RAD54B: variants seen among roughly 807,000 people sequenced by gnomAD.
The protein encoded by RAD54B is RAD54 homolog B.
RAD54B carries 78 observed loss-of-function variants against 95.8 expected under a neutral mutation model. The observed-to-expected ratio is 0.81, with a 90% CI of 0.68 to 0.98. The LOEUF is 0.98. Ranked by LOEUF, RAD54B falls within the 50% of genes least tolerant of loss-of-function variation. RAD54B has a pLI of 0.00. For synonymous variants in RAD54B, 328 were observed against 354.9 expected (o/e 0.92, Z 0.85); for missense variants, 957 against 1,056.6 (o/e 0.91, Z 1.31).
At chr8:94,442,646 G>A (rs1294078789) in intron 3 of RAD54B, among the ~76,000 whole-genome samples, 2 of 151,612 alleles carry the variant, frequency 1.3e-5, no homozygotes, top group Non-Finnish European at 2.9e-5. Context: ...ATATAATACG[G>A]TGACTATAGT....
chr8:94,372,660 T>C (rs1166793086), intron 14 of RAD54B, among the ~76,000 whole-genome samples: 2 of 152,150 alleles, frequency 1.3e-5, no homozygotes, highest in African/African-American at 4.8e-5. Context: ...ATTAAATAAA[T>C]AATCATCTGA....
intron 3 of RAD54B, among the ~76,000 whole-genome samples, chr8:94,439,538 G>A (rs1812346259): frequency 6.6e-6 from 1 of 152,152 alleles, no homozygotes; most frequent in East Asian, 1.9e-4. Flanking sequence ...CAAAGACACA[G>A]CCCTCAGGTG....
rs114863350 is a variant in RAD54B at position 94,391,818 on chromosome 8, T to C, written c.1600A>G (p.Ile534Val). Residue 534 changes from isoleucine to valine, a missense_variant, in exon 10 of 15, where the codon ATT becomes GTT. Physicochemically the swap from Ile to Val is conservative, Grantham distance 29 (BLOSUM62 3). Coordinates refer to ENST00000336148, the MANE Select transcript of RAD54B (RefSeq NM_012415.3). ...GLFILRRTQE[I>V]INKYLPPKIE... is the part of the protein sequence containing the mutation. ...TTAGGTGGGAGATATTTATTTATAA[T>C]TTCTTGGGTTCTTCTAAGGATAAAG... 499 of 1,613,996 alleles carry C rather than the reference T, an allele frequency of 3.1e-4. No homozygotes were observed. The African/African-American group carries it at 5.7e-3, about 18-fold the overall frequency.
At chr8:94,437,055 A>C in intron 3 of RAD54B, 1 of 1,210,532 alleles carries the variant, frequency 8.3e-7, no homozygotes, top group Non-Finnish European at 1.1e-6. Flanking sequence ...AAATCTGCTT[A>C]AGCCAAGCCT....
At chr8:94,399,390 A>G (rs1238768969) in intron 8 of RAD54B, 24 bp downstream of exon 8, 1 of 1,600,590 alleles carries the variant, frequency 6.2e-7, no homozygotes, top group Admixed American at 1.7e-5. Flanking sequence ...ATTCCAAAAT[A>G]TCTTCCCCAA....
chr8:94,447,112 T>C (rs1417354581), intron 3 of RAD54B, among the ~76,000 whole-genome samples: 6 of 152,192 alleles, frequency 3.9e-5, no homozygotes, highest in Admixed American at 3.9e-4. Context: ...TCTGTGATGT[T>C]AAGCAGTTAA....
chr8:94,446,297 C>T (rs2057978947), intron 3 of RAD54B, among the ~76,000 whole-genome samples: 1 of 152,042 alleles, frequency 6.6e-6, no homozygotes, highest in South Asian at 2.1e-4. Flanking sequence ...CCAAAAGAGT[C>T]AAGATAAGAA....
At chr8:94,437,034 G>T (rs1308571368) in intron 3 of RAD54B, 1 of 1,339,278 alleles carries the variant, frequency 7.5e-7, no homozygotes, top group Admixed American at 3.5e-5. Flanking sequence ...TTAAGCTGAC[G>T]CAGGTTCAGG....
chr8:94,445,812 T>G (rs1707013923), intron 3 of RAD54B, among the ~76,000 whole-genome samples: 1 of 152,152 alleles, frequency 6.6e-6, no homozygotes. Context: ...ATCACAGGCA[T>G]GAACCACCAC....
intron 2 of RAD54B, among the ~76,000 whole-genome samples, chr8:94,462,688 C>T (rs546793689): frequency 1.1e-4 from 16 of 152,238 alleles, no homozygotes; most frequent in African/African-American, 3.6e-4. Flanking sequence ...AGTAAAAAGA[C>T]GGCAGAGTTG....
At chr8:94,374,386 C>T (rs2129937156) in intron 14 of RAD54B, among the ~76,000 whole-genome samples, 1 of 151,980 alleles carries the variant, frequency 6.6e-6, no homozygotes, top group South Asian at 2.1e-4. Context: ...CAAGAGTTCG[C>T]CAGTATTAGG....
intron 3 of RAD54B, chr8:94,431,246 A>AT (rs1471006084): frequency 1.0e-6 from 1 of 964,386 alleles, no homozygotes; most frequent in Non-Finnish European, 1.2e-6. Flanking sequence ...TGTGAAAGAA[A>AT]TTTTTTCCAG....
chr8:94,446,590 C>T (rs1358914055), intron 3 of RAD54B, among the ~76,000 whole-genome samples: 1 of 152,166 alleles, frequency 6.6e-6, no homozygotes, highest in Non-Finnish European at 1.5e-5. Context: ...CAGAGTAGTC[C>T]ATGTGGGAAA....
At chr8:94,471,660 C>A (rs1813175886) in intron 1 of RAD54B, among the ~76,000 whole-genome samples, 1 of 151,938 alleles carries the variant, frequency 6.6e-6, no homozygotes, top group Admixed American at 6.6e-5. Flanking sequence ...ACAACATTAA[C>A]CCTAATTATT....
At chr8:94,394,345 A>C (rs1313483768) in intron 8 of RAD54B, among the ~76,000 whole-genome samples, 4 of 152,234 alleles carry the variant, frequency 2.6e-5, no homozygotes, top group Non-Finnish European at 5.9e-5. Flanking sequence ...TAACTTTAGT[A>C]ATTTTACTGT....
intron 14 of RAD54B, 85 bp downstream of exon 14, chr8:94,378,095 T>A: frequency 9.5e-7 from 1 of 1,056,446 alleles, no homozygotes. Context: ...GTAAATATTA[T>A]AAAGTTATTC....
At chr8:94,474,203 G>A (rs1196417666) in intron 1 of RAD54B, among the ~76,000 whole-genome samples, 1 of 152,124 alleles carries the variant, frequency 6.6e-6, no homozygotes, top group African/African-American at 2.4e-5. Context: ...AATAGACAGT[G>A]GAGACAACTA....
chr8:94,372,541 T>C (rs967068677), intron 14 of RAD54B, among the ~76,000 whole-genome samples, 154 bp from the exon 15 acceptor site: 3 of 152,358 alleles, frequency 2.0e-5, no homozygotes, highest in Middle Eastern at 6.8e-3. Flanking sequence ...TACAAACATT[T>C]ATAAGTTATT....
intron 11 of RAD54B, among the ~76,000 whole-genome samples, chr8:94,382,937 A>G (rs1810780198): frequency 6.6e-6 from 1 of 152,114 alleles, no homozygotes. Context: ...TTTATAAATT[A>G]CCCAGTCTCA....
Sources: gnomAD v4.1 joint callset for allele counts (sites outside exome capture counted in the v4.1 genomes callset) on GRCh38, gnomAD v4.1.1 for gene constraint, MANE v1.5 for transcripts, NCBI Gene and HGNC (gene_info 2026-07-23, HGNC 2026-07-21) for gene names.